Variants in CNTNAP2 observed in about 807,000 individuals in gnomAD.
CNTNAP2 encodes contactin-associated protein-like 2.
CNTNAP2 carries 98 observed loss-of-function variants against 155.2 expected under a neutral mutation model. That is an observed-to-expected ratio of 0.63 (90% CI 0.54 to 0.75). The LOEUF (loss-of-function observed/expected upper bound fraction) is 0.75. CNTNAP2 is among the 30% of genes least tolerant of loss of function. The pLI is 0.00. For synonymous variants in CNTNAP2, 651 were observed against 631.2 expected (o/e 1.03, Z -0.47); for missense variants, 1,727 against 1,688.1 (o/e 1.02, Z -0.40).
chr7:147,385,472 A>T (rs1796608958), intron 9 of CNTNAP2, among the ~76,000 whole-genome samples: 1 of 152,224 alleles, frequency 6.6e-6, no homozygotes, highest in South Asian at 2.1e-4. Context: ...GCGTACAGGC[A>T]TTGGGTTACT....
At chr7:148,310,587 C>A (rs1237142147) in intron 21 of CNTNAP2, among the ~76,000 whole-genome samples, 3 of 152,030 alleles carry the variant, frequency 2.0e-5, no homozygotes, top group Non-Finnish European at 4.4e-5. Flanking sequence ...GTGTCGGTGT[C>A]ATGAGGGGAA....
At chr7:147,154,611 A>G (rs1801888108) in intron 8 of CNTNAP2, among the ~76,000 whole-genome samples, 1 of 152,158 alleles carries the variant, frequency 6.6e-6, no homozygotes, top group Admixed American at 6.5e-5. Flanking sequence ...CCTATTTCTC[A>G]GGAAAGGCAT....
chr7:147,365,399 A>C (rs1842272), intron 9 of CNTNAP2, among the ~76,000 whole-genome samples: 32,400 of 147,482 alleles, frequency 0.22, 4,045 homozygotes, highest in Non-Finnish European at 0.27. Context: ...AAAAAAAAAA[A>C]AAAAAAAAAC....
At chr7:146,658,917 A>G (rs1007484850) in intron 1 of CNTNAP2, among the ~76,000 whole-genome samples, 3 of 152,146 alleles carry the variant, frequency 2.0e-5, no homozygotes, top group Non-Finnish European at 4.4e-5. Context: ...AAGGTGCTGT[A>G]GTTTTTGAGC....
chr7:147,243,013 T>TTTTTTTTTTTTG (rs1803976847), intron 8 of CNTNAP2, among the ~76,000 whole-genome samples: 1 of 135,198 alleles, frequency 7.4e-6, no homozygotes, highest in Non-Finnish European at 1.5e-5. Flanking sequence ...TTTTTTTTTT[T>TTTTTTTTTTTTG]TTTGAGAGGG....
In CNTNAP2 at chr7:148,376,354, C is replaced by T. The variant is rs577704564; in HGVS notation, c.3476-7295C>T. Among the ~76,000 whole-genome samples the T allele has an allele frequency of 1.5e-4, 10 of 65,416 alleles. 3 individuals carry two copies. The highest frequency in any genetic ancestry group is 3.4e-4 in the African/African-American group (9 of 26,708). 42.9% of individuals were successfully genotyped at this position (65,416 alleles called of 152,430 possible). ...GCAACATAATGAGACCCTGTATCTA[C>T]AGAAAATTTTTAAAAACAAGCCAGT... is the stretch of plus-strand genomic sequence containing the variant. On this transcript the variant is annotated intron_variant, in intron 21 of 23. Coordinates refer to ENST00000361727, the MANE Select transcript of CNTNAP2 (RefSeq NM_014141.6).
chr7:147,078,664 G>GTATC (rs1329146649), intron 4 of CNTNAP2, among the ~76,000 whole-genome samples: 3 of 151,538 alleles, frequency 2.0e-5, no homozygotes, highest in Non-Finnish European at 4.4e-5. Context: ...ACGTTATTTG[G>GTATC]TATCTATCTA....
intron 2 of CNTNAP2, among the ~76,000 whole-genome samples, chr7:146,815,386 G>A (rs575103988): frequency 9.9e-5 from 15 of 152,108 alleles, no homozygotes; most frequent in East Asian, 5.8e-4. Flanking sequence ...ACTGAAATTC[G>A]TAATGATTAT....
At chr7:146,617,709 T>A (rs1019380198) in intron 1 of CNTNAP2, among the ~76,000 whole-genome samples, 2 of 152,168 alleles carry the variant, frequency 1.3e-5, no homozygotes, top group African/African-American at 2.4e-5. Context: ...CACAATAAAA[T>A]TTCAAGAAAT....
chr7:146,944,140 A>T (rs946508975), intron 3 of CNTNAP2, among the ~76,000 whole-genome samples: 13 of 151,756 alleles, frequency 8.6e-5, no homozygotes, highest in African/African-American at 3.1e-4. Context: ...ATAGACGAGT[A>T]TCAACATATA....
At chr7:146,893,810 C>A (rs191129992) in intron 3 of CNTNAP2, among the ~76,000 whole-genome samples, 1 of 152,114 alleles carries the variant, frequency 6.6e-6, no homozygotes, top group African/African-American at 2.4e-5. Context: ...GAATAATCCA[C>A]TAAGCGCACA....
intron 1 of CNTNAP2, among the ~76,000 whole-genome samples, chr7:146,182,907 C>T (rs1471942196): frequency 1.3e-5 from 2 of 152,130 alleles, no homozygotes; most frequent in Non-Finnish European, 2.9e-5. Flanking sequence ...AGGTCCTGCT[C>T]ATCTTTCTAT....
At chr7:146,879,456 T>C (rs896585427) in intron 3 of CNTNAP2, among the ~76,000 whole-genome samples, 1 of 152,136 alleles carries the variant, frequency 6.6e-6, no homozygotes, top group African/African-American at 2.4e-5. Flanking sequence ...TTTCTATTAA[T>C]TATCCTTCAT....
intron 16 of CNTNAP2, among the ~76,000 whole-genome samples, chr7:148,139,840 C>T (rs1805025876): frequency 6.6e-6 from 1 of 152,144 alleles, no homozygotes; most frequent in Admixed American, 6.6e-5. Flanking sequence ...TGCTCAGCCT[C>T]AATCACATAC....
At position 146,344,563 on chromosome 7, in the gene CNTNAP2, T is replaced by G. The variant is rs984545551; in HGVS notation, c.97+227590T>G. Among the ~76,000 whole-genome samples the G allele has an allele frequency of 1.8e-4, 15 of 84,652 alleles. No individual in the cohort carries two copies. The African/African-American group carries it at 2.2e-3, about 12-fold the overall frequency. The allele number at this position is 84,652 out of a possible 152,430, so 55.5% of individuals were successfully genotyped here. On this transcript the variant is annotated intron_variant, in intron 1 of 23. Transcript: ENST00000361727. ...GGCATGATCTCGGCTCACTTCAACC[T>G]CTGCCCCCAAGTTCAAGCCATTCTC...
intron 1 of CNTNAP2, among the ~76,000 whole-genome samples, chr7:146,492,349 T>C (rs551328691): frequency 9.4e-4 from 143 of 152,266 alleles, no homozygotes; most frequent in African/African-American, 3.4e-3. Context: ...GCAAATACTG[T>C]GCCCTTCCTC....
At chr7:146,464,582 C>G (rs933074307) in intron 1 of CNTNAP2, among the ~76,000 whole-genome samples, 4 of 151,980 alleles carry the variant, frequency 2.6e-5, no homozygotes, top group Admixed American at 1.3e-4. Context: ...ACCTTCTTCC[C>G]TCTTTTTCTC....
chr7:147,228,795 A>G (rs1286115939), intron 8 of CNTNAP2, among the ~76,000 whole-genome samples: 1 of 151,942 alleles, frequency 6.6e-6, no homozygotes, highest in Non-Finnish European at 1.5e-5. Context: ...TCCTAATGTT[A>G]TCCCTCCCCT....
At chr7:148,094,768 T>G (rs1198031847) in intron 15 of CNTNAP2, among the ~76,000 whole-genome samples, 2 of 152,242 alleles carry the variant, frequency 1.3e-5, no homozygotes, top group Non-Finnish European at 2.9e-5. Context: ...AGTTTGGTTT[T>G]AGACTTGCTC....
Sources: gnomAD v4.1 joint callset for allele counts (sites outside exome capture counted in the v4.1 genomes callset) on GRCh38, gnomAD v4.1.1 for gene constraint, MANE v1.5 for transcripts, NCBI Gene and HGNC (gene_info 2026-07-23, HGNC 2026-07-21) for gene names.